The following MCPH1 variants were observed in gnomAD, a reference collection of about 807,000 sequenced individuals.
MCPH1 encodes the protein microcephalin.
A neutral mutation model predicts 84.5 loss-of-function variants in MCPH1; 104 were observed. That is an observed-to-expected ratio of 1.23 (90% CI 1.05 to 1.45). The LOEUF is 1.45. Ranked by LOEUF, MCPH1 falls within the 40% of genes most tolerant of loss-of-function variation. The pLI is 0.00. For synonymous variants in MCPH1, 514 were observed against 366.8 expected, an observed-to-expected ratio of 1.40 and a Z score of -4.58; for missense variants, 1,498 against 1,005.7, an observed-to-expected ratio of 1.49 and a Z score of -6.62.
intron 12 of MCPH1, among the ~76,000 whole-genome samples, chr8:6,510,737 T>A (rs935749880): frequency 1.3e-5 from 2 of 152,178 alleles, no homozygotes; most frequent in African/African-American, 4.8e-5. Flanking sequence ...ACAGAGATGT[T>A]TGTTTGTTGA....
At chr8:6,482,472 G>C (rs895191255) in intron 11 of MCPH1, among the ~76,000 whole-genome samples, 2 of 152,192 alleles carry the variant, frequency 1.3e-5, no homozygotes, top group African/African-American at 4.8e-5. Context: ...AATGAGTTCT[G>C]TGTTTTATTT....
At chr8:6,614,306 T>C (rs1830583859) in intron 12 of MCPH1, among the ~76,000 whole-genome samples, 1 of 152,196 alleles carries the variant, frequency 6.6e-6, no homozygotes, top group Non-Finnish European at 1.5e-5. Flanking sequence ...GCCCCAGGTT[T>C]CAGATGCCTG....
chr8:6,526,629 G>T (rs866735949), intron 12 of MCPH1, among the ~76,000 whole-genome samples: 3 of 152,092 alleles, frequency 2.0e-5, no homozygotes, highest in Non-Finnish European at 4.4e-5. Context: ...AGGACAGAAA[G>T]AATTATTTCA....
intron 12 of MCPH1, among the ~76,000 whole-genome samples, chr8:6,536,992 C>T (rs62496864): frequency 7.1e-6 from 1 of 140,956 alleles, no homozygotes; most frequent in South Asian, 2.4e-4. Context: ...AAAAAAAAAC[C>T]AACCCAGTAA....
intron 11 of MCPH1, among the ~76,000 whole-genome samples, chr8:6,486,731 A>C (rs930921551): frequency 2.6e-5 from 4 of 152,214 alleles, no homozygotes; most frequent in Non-Finnish European, 5.9e-5. Context: ...ATAGAAAACC[A>C]TGCCAGGAGT....
intron 12 of MCPH1, among the ~76,000 whole-genome samples, chr8:6,559,523 G>T (rs1385113224): frequency 6.6e-6 from 1 of 151,526 alleles, no homozygotes; most frequent in Non-Finnish European, 1.5e-5. Flanking sequence ...AACAAAAAAC[G>T]ATGGCAGAGG....
At chr8:6,611,520 G>T (rs531572256) in intron 12 of MCPH1, among the ~76,000 whole-genome samples, 6 of 152,364 alleles carry the variant, frequency 3.9e-5, no homozygotes, top group Admixed American at 3.9e-4. Flanking sequence ...GGGCCGGGGA[G>T]CAGGGCATAC....
At chr8:6,407,334 C>G (rs982265780) in intron 1 of MCPH1, among the ~76,000 whole-genome samples, 92 of 152,024 alleles carry the variant, frequency 6.1e-4, no homozygotes, top group African/African-American at 2.2e-3. Context: ...TTTTTAACCG[C>G]TCTATCAACT....
chr8:6,553,689 C>G (rs1276103785), intron 12 of MCPH1, among the ~76,000 whole-genome samples: 13 of 150,538 alleles, frequency 8.6e-5, no homozygotes, highest in Admixed American at 8.6e-4. Flanking sequence ...TTTTACCTCT[C>G]CCCTTTTCCT....
chr8:6,581,511 C>T (rs560299907), intron 12 of MCPH1, among the ~76,000 whole-genome samples: 1 of 152,178 alleles, frequency 6.6e-6, no homozygotes, highest in African/African-American at 2.4e-5. Context: ...AATTATTAGC[C>T]TGTAATTTAA....
chr8:6,480,654 C>A (rs771533628), intron 10 of MCPH1, 60 bp from the exon 11 acceptor site: 2 of 1,597,824 alleles, frequency 1.3e-6, no homozygotes, highest in African/African-American at 2.7e-5. Context: ...AGTGTAACTG[C>A]TTTGATGGGC....
At chr8:6,629,921 CTT>C (rs1235492873) in intron 13 of MCPH1, among the ~76,000 whole-genome samples, 2 of 152,276 alleles carry the variant, frequency 1.3e-5, no homozygotes, top group African/African-American at 4.8e-5. Context: ...GTGGAAAACT[CTT>C]TTTTGTTTAC....
At chr8:6,504,210 C>T (rs1342873465) in intron 12 of MCPH1, among the ~76,000 whole-genome samples, 2 of 144,678 alleles carry the variant, frequency 1.4e-5, no homozygotes, top group East Asian at 2.1e-4. Flanking sequence ...CCCAGCTACT[C>T]GGGAGGCTGA....
At position 6,506,903 on chromosome 8, in the gene MCPH1, C is replaced by CT. The variant is rs1271721262; in HGVS notation, c.2214+6985dup. ...ATCCTCCTTTTGACTGTTAATGATG[C>CT]TTTTTTTTTTTGAGACGGAGTCTCA... is the stretch of plus-strand genomic sequence containing the variant. On this transcript the variant is annotated intron_variant, in intron 12 of 13. Transcript: ENST00000344683. Among the ~76,000 whole-genome samples, 216 of 142,980 alleles carry CT rather than the reference C, an allele frequency of 1.5e-3. 4 individuals are homozygous for CT. The highest frequency in any genetic ancestry group is 1.1e-3 in the South Asian group (5 of 4,462). The allele number at this position is 142,980 out of a possible 152,430, so 93.8% of individuals were successfully genotyped here.
At chr8:6,547,040 C>G (rs1822718568) in intron 12 of MCPH1, among the ~76,000 whole-genome samples, 1 of 152,114 alleles carries the variant, frequency 6.6e-6, no homozygotes, top group Non-Finnish European at 1.5e-5. Context: ...GAGCAACATG[C>G]ACGTGTTCCG....
intron 12 of MCPH1, among the ~76,000 whole-genome samples, chr8:6,522,050 A>G (rs550213590): frequency 6.6e-6 from 1 of 152,258 alleles, no homozygotes; most frequent in African/African-American, 2.4e-5. Context: ...GTGAGGAACA[A>G]ATGGGTTTTA....
chr8:6,458,748 G>A lies in MCPH1; in HGVS notation c.1935+3496G>A, dbSNP rs1327551884. Among the ~76,000 whole-genome samples, 19 of 152,106 alleles carry A rather than the reference G, an allele frequency of 1.2e-4. No homozygotes were observed. In the South Asian group the frequency reaches 1.7e-3, roughly 13 times the overall value. ...CAACCTCCGCCTCCTGAATTTAAGC[G>A]ATTCTCCTGCCCCAGCCTCCTTAGT... is the stretch of plus-strand genomic sequence containing the variant. On this transcript the variant is annotated intron_variant, in intron 9 of 13. Coordinates refer to ENST00000344683, the MANE Select transcript of MCPH1 (RefSeq NM_024596.5).
intron 9 of MCPH1, among the ~76,000 whole-genome samples, chr8:6,472,935 G>A (rs1378198852): frequency 6.6e-6 from 1 of 152,182 alleles, no homozygotes; most frequent in African/African-American, 2.4e-5. Flanking sequence ...GGTTTTAAAA[G>A]TAAACAGAGA....
chr8:6,635,426 C>T (rs1213527555), intron 13 of MCPH1: 1 of 151,632 alleles, frequency 6.6e-6, no homozygotes, highest in African/African-American at 2.4e-5. Context: ...AATCCTAAGA[C>T]AAAAAAGAAA....
Sources: allele counts gnomAD v4.1 joint callset (sites outside exome capture counted in the v4.1 genomes callset), GRCh38; gene constraint gnomAD v4.1.1; transcripts MANE v1.5; gene names NCBI Gene and HGNC (gene_info 2026-07-23, HGNC 2026-07-21).